The following KIF4A variants were observed in gnomAD, a reference collection of about 807,000 sequenced individuals.
The protein encoded by KIF4A is chromosome-associated kinesin KIF4A.
KIF4A carries 7 observed loss-of-function variants against 105.9 expected under a neutral mutation model. That is an observed-to-expected ratio of 0.07 (90% confidence interval 0.04 to 0.12). The LOEUF is 0.12. Ranked by LOEUF, KIF4A falls within the 10% of genes least tolerant of loss-of-function variation. The pLI is 1.00. For synonymous variants in KIF4A, 281 were observed against 331.3 expected, an observed-to-expected ratio of 0.85 and a Z score of 1.65; for missense variants, 558 against 929.2, an observed-to-expected ratio of 0.60 and a Z score of 5.19.
chrX:70,367,423 G>A (rs2086109311), intron 15 of KIF4A, among the ~76,000 whole-genome samples: 1 of 111,702 alleles, frequency 9.0e-6, no homozygotes, highest in Non-Finnish European at 1.9e-5. Flanking sequence ...GCTTCCTTCA[G>A]GAGCTCTTTT....
At chrX:70,295,045 C>T (rs148205353) in intron 3 of KIF4A, among the ~76,000 whole-genome samples, 1,422 of 112,412 alleles carry the variant, frequency 0.013, 12 homozygotes, top group Middle Eastern at 0.079. Flanking sequence ...GCCTGGGTGA[C>T]AGAGTGAGAC....
intron 15 of KIF4A, among the ~76,000 whole-genome samples, chrX:70,371,161 A>C (rs1004062384): frequency 9.1e-6 from 1 of 109,470 alleles, no homozygotes; most frequent in East Asian, 2.9e-4. Context: ...GTTTTCGCCA[A>C]TCTTTTTTGG....
chrX:70,343,612 T>C (rs772728859), intron 11 of KIF4A, 91 bp from the exon 12 acceptor site: 127 of 793,638 alleles, frequency 1.6e-4, no homozygotes, highest in Non-Finnish European at 2.3e-4. Flanking sequence ...ACAGCCTCTC[T>C]ACCTAGCTTT....
At chrX:70,383,941 G>A (rs1280514722) in intron 18 of KIF4A, among the ~76,000 whole-genome samples, 2 of 111,940 alleles carry the variant, frequency 1.8e-5, no homozygotes, top group African/African-American at 6.5e-5. Context: ...TCTTTTTGTG[G>A]TAATGAAAAT....
At chrX:70,398,815 G>A (rs2086269817) in intron 22 of KIF4A, among the ~76,000 whole-genome samples, 1 of 111,792 alleles carries the variant, frequency 8.9e-6, no homozygotes, top group Non-Finnish European at 1.9e-5. Flanking sequence ...TTACTGGGGA[G>A]CTCATGAGCC....
intron 7 of KIF4A, among the ~76,000 whole-genome samples, chrX:70,317,544 CTTT>C: frequency 1.4e-5 from 1 of 69,412 alleles, no homozygotes; most frequent in Admixed American, 2.1e-4. Flanking sequence ...ATTCCCTTGC[CTTT>C]TTTTTTTTTT....
At chrX:70,302,468 T>A in intron 7 of KIF4A, 70 bp downstream of exon 7, 1 of 1,019,770 alleles carries the variant, frequency 9.8e-7, no homozygotes, top group Non-Finnish European at 1.4e-6. Flanking sequence ...TTGTTGGTGT[T>A]TTCGACTGGG....
At chrX:70,367,359 A>T (rs1486941670) in intron 15 of KIF4A, among the ~76,000 whole-genome samples, 1 of 111,289 alleles carries the variant, frequency 9.0e-6, no homozygotes. Context: ...TGGTCTTTAC[A>T]ATTTGGTATG....
intron 13 of KIF4A, among the ~76,000 whole-genome samples, chrX:70,350,649 C>T (rs1444019838): frequency 9.0e-6 from 1 of 111,130 alleles, no homozygotes; most frequent in Non-Finnish European, 1.9e-5. Context: ...GGCAGCACCG[C>T]ATTCCAGCCT....
In KIF4A at chrX:70,406,987, A is replaced by T. The variant is rs1382914519; in HGVS notation, c.3167A>T (p.Glu1056Val). ...TCAGAGCATTCTGTGAATGAGCATG[A>T]GGATGGTGATGGTGATGATGATGAG... ...YCSEHSVNEH[E>V]DGDGDDDEGD... Residue 1056 changes from glutamate to valine, a missense_variant, in exon 28 of 31, where the codon GAG becomes GTG. Coordinates refer to ENST00000374403, the MANE Select transcript of KIF4A (RefSeq NM_012310.5). The T allele has an allele frequency of 2.5e-6, 3 of 1,209,569 alleles. No homozygotes were observed. Among genetic ancestry groups the T allele is most frequent in the Non-Finnish European group, 3.4e-6 (3 of 894,965 alleles).
chrX:70,317,846 C>CCTTG (rs751078072), intron 7 of KIF4A, among the ~76,000 whole-genome samples: 1 of 106,383 alleles, frequency 9.4e-6, no homozygotes, highest in Non-Finnish European at 1.9e-5. Flanking sequence ...ACCTGGCCCC[C>CCTTG]CTTGCTTGCT....
chrX:70,301,770 A>G, intron 5 of KIF4A, 130 bp from the exon 6 acceptor site: 1 of 684,942 alleles, frequency 1.5e-6, no homozygotes, highest in East Asian at 3.3e-5. Flanking sequence ...AGCAGTTCTT[A>G]TCACCATGAC....
chrX:70,332,085 G>A (rs1165994720), intron 9 of KIF4A, among the ~76,000 whole-genome samples: 1 of 112,230 alleles, frequency 8.9e-6, no homozygotes, highest in Admixed American at 9.5e-5. Context: ...GAAATATCAG[G>A]TAGATAGTTG....
chrX:70,385,096 C>G (rs1164694453), intron 18 of KIF4A, among the ~76,000 whole-genome samples: 1 of 111,544 alleles, frequency 9.0e-6, no homozygotes, highest in Non-Finnish European at 1.9e-5. Flanking sequence ...AGCTACCATG[C>G]CCAACTGAGA....
chrX:70,381,521 C>T (rs186571217), intron 18 of KIF4A, among the ~76,000 whole-genome samples: 8 of 111,819 alleles, frequency 7.2e-5, no homozygotes, highest in Non-Finnish European at 3.8e-5. Flanking sequence ...GCCCAGGCAA[C>T]AGTGCAAGAC....
intron 7 of KIF4A, among the ~76,000 whole-genome samples, chrX:70,316,854 G>T (rs972453654): frequency 9.9e-5 from 11 of 111,664 alleles, no homozygotes; most frequent in African/African-American, 3.6e-4. Flanking sequence ...AATACAAGAT[G>T]CCTAGATAAA....
intron 15 of KIF4A, among the ~76,000 whole-genome samples, chrX:70,355,123 T>A (rs149510970): frequency 1.8e-3 from 196 of 111,686 alleles, no homozygotes; most frequent in Middle Eastern, 0.014. Context: ...GCTGGCATCA[T>A]CTAGACAGCC....
intron 28 of KIF4A, among the ~76,000 whole-genome samples, chrX:70,417,547 T>C (rs2086349407): frequency 8.9e-6 from 1 of 111,948 alleles, no homozygotes; most frequent in Admixed American, 9.5e-5. Flanking sequence ...CTCAGGAGGC[T>C]GAGGCAGGAG....
chrX:70,342,321 T>A (rs2085975671), intron 11 of KIF4A, among the ~76,000 whole-genome samples: 1 of 112,492 alleles, frequency 8.9e-6, no homozygotes, highest in Non-Finnish European at 1.9e-5. Context: ...CTTCCCCTAA[T>A]GTTGTCACAT....
Sources: allele counts gnomAD v4.1 joint callset (sites outside exome capture counted in the v4.1 genomes callset), GRCh38; gene constraint gnomAD v4.1.1; transcripts MANE v1.5; gene names NCBI Gene and HGNC (gene_info 2026-07-23, HGNC 2026-07-21).